The following DDR2 variants were observed in gnomAD, a reference collection of about 807,000 sequenced individuals.
DDR2 encodes the protein discoidin domain receptor tyrosine kinase 2.
Under a neutral mutation model 94.9 loss-of-function variants are expected in DDR2, and 27 were observed. The observed-to-expected ratio is 0.28, with a 90% CI of 0.21 to 0.39. The LOEUF is 0.39. Among genes scored for constraint, DDR2 ranks in the 10% least tolerant of loss-of-function variants. The probability of loss-of-function intolerance (pLI) is 1.00; values close to 1 mark genes in which losing one functional copy is unlikely to be tolerated. For missense variants in DDR2, 783 were observed against 1,076.0 expected, an observed-to-expected ratio of 0.73 and a Z score of 3.81; for synonymous variants, 382 against 377.2, an observed-to-expected ratio of 1.01 and a Z score of -0.15.
chr1:162,776,809 C>T (rs1258632259), intron 16 of DDR2, among the ~76,000 whole-genome samples: 1 of 152,040 alleles, frequency 6.6e-6, no homozygotes, highest in Non-Finnish European at 1.5e-5. Context: ...TTAAGTTCAT[C>T]ATTCTTTGCT....
intron 2 of DDR2, among the ~76,000 whole-genome samples, chr1:162,674,637 T>G (rs1659040751): frequency 6.6e-6 from 1 of 152,190 alleles, no homozygotes; most frequent in Non-Finnish European, 1.5e-5. Context: ...ACCAGCAATC[T>G]CTGTTTTATT....
intron 1 of DDR2, among the ~76,000 whole-genome samples, chr1:162,642,994 AC>A (rs1285488243): frequency 1.3e-5 from 2 of 152,120 alleles, no homozygotes; most frequent in African/African-American, 4.8e-5. Flanking sequence ...TAAATTCTAG[AC>A]CTATACAATT....
intron 1 of DDR2, among the ~76,000 whole-genome samples, chr1:162,639,614 T>C (rs1372784738): frequency 6.6e-6 from 1 of 152,252 alleles, no homozygotes; most frequent in Non-Finnish European, 1.5e-5. Flanking sequence ...AGGCACTATC[T>C]GTGAAAGAAA....
rs1300754253 is a variant in DDR2, at chr1:162,783,429, A to G, written c.*3183A>G. On this transcript the variant is annotated 3_prime_UTR_variant, in exon 18 of 18. Coordinates refer to ENST00000367921, the MANE Select transcript of DDR2 (RefSeq NM_006182.4). ...GATACGTGAATGTGCATATGACTGA[A>G]TAGGGAGGAAGGTCAGGGCTAGAAA... 1 of 152,118 alleles carries G rather than the reference A, an allele frequency of 6.6e-6. No homozygotes were observed. Among genetic ancestry groups the G allele is most frequent in the Non-Finnish European group, 1.5e-5 (1 of 68,020 alleles). The allele number at this position is 152,118 out of a possible 1,614,324, so 9.4% of individuals were successfully genotyped here.
In DDR2 at chr1:162,633,736, G is replaced by A. The variant is rs528914748; in HGVS notation, c.-192+1105G>A. Among the ~76,000 whole-genome samples, 7 of 152,336 alleles carry A rather than the reference G, an allele frequency of 4.6e-5. No individual in the cohort carries two copies. In the South Asian group the frequency reaches 1.2e-3, roughly 27 times the overall value. On this transcript the variant is annotated intron_variant, in intron 1 of 17. Coordinates refer to ENST00000367921, the MANE Select transcript of DDR2 (RefSeq NM_006182.4). Reference sequence around the variant, plus strand: ...GTTAATTATCAGTAATAGAGAGGACGCCAATGGCGGCTCATCAGCTAATGA... The same window carrying A: ...GTTAATTATCAGTAATAGAGAGGACACCAATGGCGGCTCATCAGCTAATGA...
intron 2 of DDR2, among the ~76,000 whole-genome samples, chr1:162,695,110 T>C (rs1443779270): frequency 3.3e-5 from 5 of 152,270 alleles, no homozygotes; most frequent in Non-Finnish European, 5.9e-5. Context: ...TTATTAATTT[T>C]GTCAAGTTTT....
intron 3 of DDR2, among the ~76,000 whole-genome samples, chr1:162,741,263 G>GTAATATAATA (rs71581465): frequency 3.7e-4 from 46 of 125,300 alleles, no homozygotes; most frequent in African/African-American, 1.4e-3. Context: ...GTAATGTAAT[G>GTAATATAATA]TAATATAATA....
chr1:162,733,835 G>A lies in DDR2; in HGVS notation c.82+14690G>A, dbSNP rs1178836302. Among the ~76,000 whole-genome samples the A allele has an allele frequency of 3.3e-5, 5 of 152,106 alleles. No individual in the cohort carries two copies. In the South Asian group the frequency reaches 6.2e-4, roughly 19 times the overall value. ...AGCACAAGAGTAACAGAAAATCTCCGTTGGAGTTTGTTACTTAATAGAGCT... is the reference window on the plus strand; with the variant it reads ...AGCACAAGAGTAACAGAAAATCTCCATTGGAGTTTGTTACTTAATAGAGCT... On this transcript the variant is annotated intron_variant, in intron 3 of 17. Coordinates refer to ENST00000367921, the MANE Select transcript of DDR2 (RefSeq NM_006182.4).
intron 1 of DDR2, among the ~76,000 whole-genome samples, chr1:162,646,960 A>G (rs1657441471): frequency 6.6e-6 from 1 of 152,178 alleles, no homozygotes; most frequent in Non-Finnish European, 1.5e-5. Flanking sequence ...CCATCCTTGT[A>G]CCTCAAGGAC....
At chr1:162,678,589 C>T (rs1301279076) in intron 2 of DDR2, among the ~76,000 whole-genome samples, 1 of 152,234 alleles carries the variant, frequency 6.6e-6, no homozygotes, top group Non-Finnish European at 1.5e-5. Flanking sequence ...GAGTAAGTCA[C>T]TGAGTAATCC....
rs538928606 is a variant in DDR2, at chr1:162,711,717, T to C, written c.-27-7320T>C. ...TCCAAAGAAATGTAGTTCACTATTATAGCTACATTTCAAAGGTGTTTCTCT... is the reference window on the plus strand; with the variant it reads ...TCCAAAGAAATGTAGTTCACTATTACAGCTACATTTCAAAGGTGTTTCTCT... On this transcript the variant is annotated intron_variant, in intron 2 of 17. Transcript: ENST00000367921. 1.2e-3 allele frequency among the ~76,000 whole-genome samples: 190 copies of C among 152,310 alleles called. 2 individuals are homozygous for C. The highest frequency in any genetic ancestry group is 2.5e-3 in the Admixed American group (38 of 15,292).
Position 162,756,034 on chromosome 1 carries a change from T to C in DDR2, c.671+265T>C, listed in dbSNP as rs1435390848. ...CTAAAGTTTGTGATATGGCTCTAAG[T>C]ATAATAGCCATATTTTTGACCCTCA... On this transcript the variant is annotated intron_variant, in intron 7 of 17. Transcript: ENST00000367921. Among the ~76,000 whole-genome samples, 3 of 152,240 alleles carry C rather than the reference T, an allele frequency of 2.0e-5. No homozygotes were observed. The East Asian group carries it at 5.8e-4, about 29-fold the overall frequency.
intron 2 of DDR2, among the ~76,000 whole-genome samples, chr1:162,682,575 T>C (rs1659464044): frequency 1.3e-5 from 2 of 152,192 alleles, no homozygotes; most frequent in African/African-American, 4.8e-5. Flanking sequence ...TGGCAAAGAA[T>C]AATGGGTGCA....
At chr1:162,721,745 G>A (rs1661432280) in intron 3 of DDR2, among the ~76,000 whole-genome samples, 1 of 152,102 alleles carries the variant, frequency 6.6e-6, no homozygotes, top group African/African-American at 2.4e-5. Context: ...CCACAGAATG[G>A]CCACATGATA....
chr1:162,730,018 C>T (rs2684882), intron 3 of DDR2, among the ~76,000 whole-genome samples: 175 of 136,986 alleles, frequency 1.3e-3, no homozygotes, highest in Non-Finnish European at 2.3e-3. Flanking sequence ...GCTGGGATTA[C>T]GGCGTAAGCC....
upstream of DDR2, chr1:162,632,194 T>C (rs925519407): frequency 6.6e-6 from 1 of 151,680 alleles, no homozygotes; most frequent in African/African-American, 2.4e-5. Context: ...TGGATATGGG[T>C]GGGAATAAGG....
intron 2 of DDR2, among the ~76,000 whole-genome samples, chr1:162,673,592 TGTATGTGTGTGTGTGTGAGAGAGA>T (rs1658975912): frequency 7.5e-6 from 1 of 134,036 alleles, no homozygotes; most frequent in African/African-American, 3.0e-5. Context: ...TGTGTGTGTG[TGTATGTGTGTGTGTGTGAGAGAGA>T]GAGAGAGAGA....
At chr1:162,663,625 G>A (rs769625226) in intron 2 of DDR2, among the ~76,000 whole-genome samples, 1 of 152,130 alleles carries the variant, frequency 6.6e-6, no homozygotes, top group Non-Finnish European at 1.5e-5. Flanking sequence ...GGAGGGCCAG[G>A]ATAAGAGCAG....
At position 162,778,693 on chromosome 1, in the gene DDR2, G is replaced by C. The variant is rs762649297; in HGVS notation, c.2397G>C (p.Glu799Asp). Residue 799 changes from glutamate to aspartate, a missense_variant, in exon 17 of 18, where the codon GAG becomes GAC. Coordinates refer to ENST00000367921, the MANE Select transcript of DDR2 (RefSeq NM_006182.4). ...YSQLSDEQVI[E>D]NTGEFFRDQG... ...AGCTGTCAGATGAACAGGTTATTGAGAATACTGGAGAGTTCTTCCGAGACC... is the reference window on the plus strand; with the variant it reads ...AGCTGTCAGATGAACAGGTTATTGACAATACTGGAGAGTTCTTCCGAGACC... 2.0e-5 allele frequency: 33 copies of C among 1,613,882 alleles called. No homozygotes were observed. The highest frequency in any genetic ancestry group is 2.7e-5 in the Non-Finnish European group (32 of 1,179,916).
Sources: allele counts gnomAD v4.1 joint callset (sites outside exome capture counted in the v4.1 genomes callset), GRCh38; gene constraint gnomAD v4.1.1; transcripts MANE v1.5; gene names NCBI Gene and HGNC (gene_info 2026-07-23, HGNC 2026-07-21).